PRMT3: variants seen among roughly 807,000 people sequenced by gnomAD.
The protein encoded by PRMT3 is protein arginine N-methyltransferase 3.
A neutral mutation model predicts 71.9 loss-of-function variants in PRMT3; 62 were observed. The ratio of observed to expected loss-of-function variants is 0.86; its 90% CI spans 0.70 to 1.07. The LOEUF is 1.07. Ranked by LOEUF, PRMT3 falls within the 50% of genes least tolerant of loss-of-function variation. The pLI, the probability that PRMT3 is intolerant of heterozygous loss-of-function variation, is 0.00. For synonymous variants in PRMT3, 213 were observed against 220.4 expected (o/e 0.97, Z 0.30); for missense variants, 663 against 643.0 (o/e 1.03, Z -0.34).
chr11:20,399,406 G>T (rs555426053), intron 7 of PRMT3, among the ~76,000 whole-genome samples: 1 of 152,104 alleles, frequency 6.6e-6, no homozygotes, highest in South Asian at 2.1e-4. Context: ...TTGTTGTCAC[G>T]TAGGTAATGG....
At chr11:20,406,884 A>G (rs1308515880) in intron 8 of PRMT3, 1 of 152,166 alleles carries the variant, frequency 6.6e-6, no homozygotes, top group Non-Finnish European at 1.5e-5. Flanking sequence ...GCATTTTTCT[A>G]ACGATTAGTG....
intron 12 of PRMT3, among the ~76,000 whole-genome samples, chr11:20,462,830 G>A (rs1006084153): frequency 5.9e-5 from 9 of 151,836 alleles, no homozygotes; most frequent in Admixed American, 4.6e-4. Flanking sequence ...CAAATCTAGA[G>A]CAGTATGTTC....
chr11:20,471,556 G>A (rs190057887), intron 13 of PRMT3, among the ~76,000 whole-genome samples: 30 of 152,116 alleles, frequency 2.0e-4, no homozygotes, highest in Admixed American at 8.5e-4. Flanking sequence ...TCTCCATTCC[G>A]TTCCATTGGT....
At chr11:20,422,458 ACT>A (rs1304823948) in intron 9 of PRMT3, among the ~76,000 whole-genome samples, 2 of 151,388 alleles carry the variant, frequency 1.3e-5, no homozygotes, top group East Asian at 3.9e-4. Context: ...GTGAGGAAAA[ACT>A]CTCTCTTGCC....
rs1015760562 is a variant in PRMT3, at chr11:20,461,806, T to A, written c.1073-174T>A. ...CATCATGATAATGCGTATCTGTTTT[T>A]AAAAGAGGCTACAAGATGAAGCATG... On this transcript the variant is annotated intron_variant, in intron 11 of 15. Transcript: ENST00000331079. Among the ~76,000 whole-genome samples, 7 of 152,214 alleles carry A rather than the reference T, an allele frequency of 4.6e-5. No homozygotes were observed. The East Asian group carries it at 1.2e-3, about 25-fold the overall frequency.
chr11:20,460,479 C>G (rs1850358281), intron 11 of PRMT3, among the ~76,000 whole-genome samples: 3 of 152,204 alleles, frequency 2.0e-5, no homozygotes. Flanking sequence ...TCTTGGTTCT[C>G]TTACTTTTGT....
intron 13 of PRMT3, among the ~76,000 whole-genome samples, chr11:20,492,422 G>A (rs901716687): frequency 3.3e-5 from 5 of 152,098 alleles, no homozygotes; most frequent in African/African-American, 1.2e-4. Flanking sequence ...ATTCTATTTG[G>A]CAGAATTATT....
chr11:20,436,676 G>A (rs905599318), intron 10 of PRMT3, among the ~76,000 whole-genome samples: 2 of 150,332 alleles, frequency 1.3e-5, no homozygotes, highest in Non-Finnish European at 3.0e-5. Context: ...ACAAGATTTA[G>A]TTTGCTTGTA....
intron 9 of PRMT3, among the ~76,000 whole-genome samples, chr11:20,418,607 G>T (rs1590049431): frequency 6.6e-6 from 1 of 152,090 alleles, no homozygotes. Context: ...CCATTCTGAA[G>T]ATATTTTTAA....
chr11:20,393,558 A>G (rs1240463991), intron 5 of PRMT3, among the ~76,000 whole-genome samples: 1 of 152,204 alleles, frequency 6.6e-6, no homozygotes, highest in Non-Finnish European at 1.5e-5. Context: ...TCTCTGCCCG[A>G]AAGAAGTATC....
intron 10 of PRMT3, among the ~76,000 whole-genome samples, chr11:20,448,013 T>G (rs887642140): frequency 6.6e-6 from 1 of 152,116 alleles, no homozygotes; most frequent in Non-Finnish European, 1.5e-5. Context: ...AAACAAAGTG[T>G]TTTACTCCAT....
In PRMT3 at chr11:20,397,575, A is replaced by C; in HGVS notation, c.561-2A>C. ...CAAGGGTGTATTTCAAATTGATTAC[A>C]GACAATTTGCTCAGGATTTTGTGAT... On this transcript the variant is annotated splice_acceptor_variant, in intron 6 of 15. Coordinates refer to ENST00000331079, the MANE Select transcript of PRMT3 (RefSeq NM_005788.4). LOFTEE classifies it high-confidence loss of function. The C allele has an allele frequency of 6.2e-7, 1 of 1,614,004 alleles. No individual in the cohort carries two copies. Among genetic ancestry groups the C allele is most frequent in the Non-Finnish European group, 8.5e-7 (1 of 1,179,962 alleles).
chr11:20,443,740 G>A (rs1051890387), intron 10 of PRMT3, among the ~76,000 whole-genome samples: 1 of 152,114 alleles, frequency 6.6e-6, no homozygotes, highest in African/African-American at 2.4e-5. Context: ...TTGCTTATTG[G>A]GCGGTTTTCT....
chr11:20,391,915 CT>C (rs11351468), intron 3 of PRMT3, among the ~76,000 whole-genome samples: 148,129 of 152,290 alleles, frequency 0.97, 72,372 homozygotes, highest in Middle Eastern at 1. Flanking sequence ...AAATGTGGAT[CT>C]TAATTTTCCA....
chr11:20,480,572 C>T (rs1850907108), intron 13 of PRMT3, among the ~76,000 whole-genome samples: 1 of 151,930 alleles, frequency 6.6e-6, no homozygotes, highest in Admixed American at 6.6e-5. Context: ...TCAGAAGGGC[C>T]CTTTAGAAAG....
chr11:20,497,582 C>G (rs926246300), intron 15 of PRMT3, among the ~76,000 whole-genome samples: 30 of 152,094 alleles, frequency 2.0e-4, no homozygotes, highest in African/African-American at 6.8e-4. Context: ...TTAACAGATG[C>G]TGGGAAGTTG....
At chr11:20,412,869 T>A (rs1387965501) in intron 9 of PRMT3, among the ~76,000 whole-genome samples, 2 of 152,106 alleles carry the variant, frequency 1.3e-5, no homozygotes, top group Non-Finnish European at 2.9e-5. Context: ...GAGAATCACT[T>A]GAGACTAGGA....
rs59969495 is a variant in PRMT3 at position 20,475,652 on chromosome 11, C to CTTT, written c.1347+11123_1347+11125dup. Among the ~76,000 whole-genome samples, 786 of 100,502 alleles carry CTTT rather than the reference C, an allele frequency of 7.8e-3. 21 individuals are homozygous for CTTT. Among genetic ancestry groups the CTTT allele is most frequent in the African/African-American group, 0.028 (741 of 26,148 alleles). The allele number at this position is 100,502 out of a possible 152,430, so 65.9% of individuals were successfully genotyped here. A position where few individuals can be genotyped will look rare whatever the true frequency, so the allele number is the denominator to read the frequency against. On this transcript the variant is annotated intron_variant, in intron 13 of 15. Transcript: ENST00000331079. ...TAGTGTCATGAGAGATACTTAATGT[C>CTTT]TTTTTTTTTTTTTTTTTTTGAGACA... is the stretch of plus-strand genomic sequence containing the variant.
In PRMT3 at chr11:20,493,962, A is replaced by C; in HGVS notation, c.1391A>C (p.His464Pro). The C allele has an allele frequency of 4.4e-6, 7 of 1,589,532 alleles. No homozygotes were observed. The highest frequency in any genetic ancestry group is 6.0e-6 in the Non-Finnish European group (7 of 1,162,576). Residue 464 changes from histidine to proline, a missense_variant, in exon 14 of 16, where the codon CAC becomes CCC. Physicochemically the swap from His to Pro is moderately conservative, Grantham distance 77. Coordinates refer to ENST00000331079, the MANE Select transcript of PRMT3 (RefSeq NM_005788.4). ...GATATATATTTTGAGAAGAATTGCC[A>C]CAACAGGGTAAGTATCATGAATTAT... Reference protein sequence around the residue: ...YFDIYFEKNCHNRVVFSTGPQ... With the variant: ...YFDIYFEKNCPNRVVFSTGPQ...
Sources: allele counts gnomAD v4.1 joint callset (sites outside exome capture counted in the v4.1 genomes callset), GRCh38; gene constraint gnomAD v4.1.1; transcripts MANE v1.5; gene names NCBI Gene and HGNC (gene_info 2026-07-23, HGNC 2026-07-21).